TRIM26: variants seen among roughly 807,000 people sequenced by gnomAD.
TRIM26 encodes the protein tripartite motif-containing protein 26.
Under a neutral mutation model 45.5 loss-of-function variants are expected in TRIM26, and 16 were observed. That is an observed-to-expected ratio of 0.35 (90% confidence interval 0.24 to 0.53). TRIM26 has a LOEUF of 0.53. Ranked by LOEUF, TRIM26 falls within the 20% of genes least tolerant of loss-of-function variation. The probability of loss-of-function intolerance (pLI) is 0.92; values close to 1 mark genes in which losing one functional copy is unlikely to be tolerated. For missense variants in TRIM26, 442 were observed against 691.1 expected (o/e 0.64, Z 4.04); for synonymous variants, 273 against 290.4 (o/e 0.94, Z 0.61).
At chr6:30,210,543 T>C (rs577539440) in intron 1 of TRIM26, among the ~76,000 whole-genome samples, 3 of 152,306 alleles carry the variant, frequency 2.0e-5, no homozygotes, top group East Asian at 3.9e-4. Flanking sequence ...ATCACAGTGC[T>C]TCATACAGTA....
At chr6:30,204,966 G>A (rs1187326194) in intron 1 of TRIM26, among the ~76,000 whole-genome samples, 1 of 152,196 alleles carries the variant, frequency 6.6e-6, no homozygotes, top group African/African-American at 2.4e-5. Flanking sequence ...AAGCGGCCGG[G>A]CGCGGTGGCT....
At chr6:30,193,723 G>A (rs911492663) in intron 6 of TRIM26, among the ~76,000 whole-genome samples, 1 of 152,044 alleles carries the variant, frequency 6.6e-6, no homozygotes, top group Admixed American at 6.6e-5. Context: ...TTTTCCATTT[G>A]TTTGTGTCCT....
chr6:30,210,161 C>T lies in TRIM26; in HGVS notation c.-376+3144G>A, dbSNP rs145347543. Among the ~76,000 whole-genome samples, 1,162 of 151,768 alleles carry T rather than the reference C, an allele frequency of 7.7e-3. 9 individuals carry two copies. Among genetic ancestry groups the T allele is most frequent in the Middle Eastern group, 0.027 (8 of 294 alleles). On this transcript the variant is annotated intron_variant, in intron 1 of 9. Coordinates refer to ENST00000454678, the MANE Select transcript of TRIM26 (RefSeq NM_003449.5). ...CGGAGGTTGCAGTGAGCTGAGATCA[C>T]GCCACTGCACTCCAGCCTGGGTGAC...
In TRIM26 at chr6:30,190,023, A is replaced by G; in HGVS notation, c.778T>C (p.Phe260Leu). The G allele has an allele frequency of 1.2e-6, 2 of 1,613,062 alleles. No individual in the cohort carries two copies. Among genetic ancestry groups the G allele is most frequent in the Non-Finnish European group, 1.7e-6 (2 of 1,179,980 alleles). ...AAELMQDTRD[F>L]LNRYPRKKFW... is the part of the protein sequence containing the mutation. ...AGGAGACTCTTTTACCTGTTTAGGAAGTCTCTCGTGTCCTAGAAGGGAAAG... is the reference window on the plus strand; with the variant it reads ...AGGAGACTCTTTTACCTGTTTAGGAGGTCTCTCGTGTCCTAGAAGGGAAAG... Residue 260 changes from phenylalanine (F) to leucine (L), a missense_variant, in exon 7 of 10, where the codon TTC becomes CTC. Transcript: ENST00000454678. The surrounding 1 kb of genome is among the most constrained non-coding windows in gnomAD (Gnocchi z 4.3).
chr6:30,211,025 G>A (rs778142208), intron 1 of TRIM26, among the ~76,000 whole-genome samples: 8 of 152,246 alleles, frequency 5.3e-5, no homozygotes, highest in Middle Eastern at 6.8e-3. Context: ...TGAACCCAAA[G>A]GTCATGCCTC....
intron 2 of TRIM26, among the ~76,000 whole-genome samples, chr6:30,202,307 A>G (rs1265778633): frequency 2.0e-5 from 3 of 152,234 alleles, no homozygotes; most frequent in Non-Finnish European, 4.4e-5. Flanking sequence ...TTACAGAAGA[A>G]TAACCTTCTG....
Position 30,189,472 on chromosome 6 carries a change from CG to C in TRIM26, c.849del (p.Gly284GlufsTer14), listed in dbSNP as rs1562190302. On this transcript the variant is annotated frameshift_variant, in exon 8 of 10. Coordinates refer to ENST00000454678, the MANE Select transcript of TRIM26 (RefSeq NM_003449.5). LOFTEE classifies it high-confidence loss of function. This position sits in a 1 kb window ranked among gnomAD's most constrained non-coding sequence, Gnocchi z 5.0. The part of the protein sequence containing the change: ...KPIARVVKKK[T>X]GEFSDKLLSL... ...GAGAGGAGTTTATCTGAGAATTCTC[CG>C]GTCTTTTTTTTAACCACTCGAGCAA... is the stretch of plus-strand genomic sequence containing the variant. The C allele has an allele frequency of 6.2e-7, 1 of 1,612,992 alleles. No individual in the cohort carries two copies. The highest frequency in any genetic ancestry group is 8.5e-7 in the Non-Finnish European group (1 of 1,180,016).
intron 9 of TRIM26, chr6:30,187,510 G>C: frequency 1.9e-6 from 1 of 524,700 alleles, no homozygotes; most frequent in Non-Finnish European, 3.9e-6. Flanking sequence ...TTTGCAGCTT[G>C]ATCTTTAATG....
intron 1 of TRIM26, among the ~76,000 whole-genome samples, chr6:30,211,160 C>G (rs1581736587): frequency 6.6e-6 from 1 of 152,044 alleles, no homozygotes; most frequent in Non-Finnish European, 1.5e-5. Flanking sequence ...CTACACACCC[C>G]CCTTTCCCAC....
chr6:30,186,554 G>A lies in TRIM26; in HGVS notation c.942C>T (p.Ser314=), dbSNP rs1286898945. The A allele has an allele frequency of 4.0e-6, 6 of 1,506,730 alleles. No individual in the cohort carries two copies. The highest frequency in any genetic ancestry group is 2.7e-5 in the South Asian group (2 of 72,798). 93.3% of individuals were successfully genotyped at this position (1,506,730 alleles called of 1,614,324 possible). A position where few individuals can be genotyped will look rare whatever the true frequency, so the allele number is the denominator to read the frequency against. ...TGGCCGACTGTGGGTCCAGGGTGAC[G>A]CTCACTGTGGGGACAAGGGAAAAAA... ...LLRDLEYKTV[S]VTLDPQSASG... The change falls in exon 10 of 10, where the codon AGC becomes AGT. Residue 314 remains serine (S), a synonymous_variant. Transcript: ENST00000454678. The surrounding 1 kb of genome is among the most constrained non-coding windows in gnomAD (Gnocchi z 7.4).
chr6:30,196,810 G>C lies in TRIM26; in HGVS notation c.535-64C>G. ...GCTCAGGGTGGAGGGCCCAGTGCTG[G>C]AGGTGTGCAAGGCTGGCTCGTTCAC... On this transcript the variant is annotated intron_variant, in intron 5 of 9. Transcript: ENST00000454678. The surrounding 1 kb of genome is among the most constrained non-coding windows in gnomAD (Gnocchi z 4.9). 6.4e-7 allele frequency: 1 copy of C among 1,558,244 alleles called. No individual in the cohort carries two copies. Among genetic ancestry groups the C allele is most frequent in the Non-Finnish European group, 8.8e-7 (1 of 1,134,772 alleles).
Position 30,207,541 on chromosome 6 carries a change from C to T in TRIM26, c.-375-2776G>A, listed in dbSNP as rs55957413. ...CACACTCGGTCACGTGTTAAACTGC[C>T]AATCTGCCCGGGTGACCAACCAGGT... On this transcript the variant is annotated intron_variant, in intron 1 of 9. Coordinates refer to ENST00000454678, the MANE Select transcript of TRIM26 (RefSeq NM_003449.5). This position sits in a 1 kb window ranked among gnomAD's most constrained non-coding sequence, Gnocchi z 4.9. 0.12 allele frequency among the ~76,000 whole-genome samples: 17,615 copies of T among 152,190 alleles called. 1,539 individuals are homozygous for T. Among genetic ancestry groups the T allele is most frequent in the African/African-American group, 0.24 (9,997 of 41,496 alleles).
At chr6:30,210,325 C>A (rs1222162348) in intron 1 of TRIM26, among the ~76,000 whole-genome samples, 4 of 152,158 alleles carry the variant, frequency 2.6e-5, no homozygotes, top group Non-Finnish European at 5.9e-5. Flanking sequence ...ATTAGATACA[C>A]TGAACCAGGA....
Position 30,189,419 on chromosome 6 carries a change from C to T in TRIM26, c.903G>A (p.Gln301=), listed in dbSNP as rs1775578437. The change falls in exon 8 of 10, where the codon CAG becomes CAA. Residue 301 remains glutamine (Q), a splice_region_variant and synonymous_variant. Transcript: ENST00000454678. The surrounding 1 kb of genome is among the most constrained non-coding windows in gnomAD (Gnocchi z 5.0). ...LSLQRGLREF[Q]GKLLRDLEYK... ...CTTTGTGCGCTCCCCAACCCTTACC[C>T]TGGAATTCCCTCAGGCCTCGTTGCA... is the stretch of plus-strand genomic sequence containing the variant. The T allele has an allele frequency of 6.2e-7, 1 of 1,612,892 alleles. No individual in the cohort carries two copies. Among genetic ancestry groups the T allele is most frequent in the African/African-American group, 1.3e-5 (1 of 74,910 alleles).
chr6:30,191,188 G>C lies in TRIM26; in HGVS notation c.766-1153C>G, dbSNP rs774772665. 1.2e-4 allele frequency among the ~76,000 whole-genome samples: 18 copies of C among 152,246 alleles called. 1 individual carries two copies. Among genetic ancestry groups the C allele is most frequent in the African/African-American group, 3.6e-4 (15 of 41,538 alleles). On this transcript the variant is annotated intron_variant, in intron 6 of 9. Transcript: ENST00000454678. ...CAAGAACAGAGCATGGTTTGTACAG[G>C]GGGGAGAATGGTGGTGCTATCTCTG...
intron 6 of TRIM26, among the ~76,000 whole-genome samples, chr6:30,195,799 G>C (rs1013571288): frequency 2.0e-5 from 3 of 152,168 alleles, no homozygotes; most frequent in African/African-American, 4.8e-5. Context: ...CAGCCTATGA[G>C]AGCAGGAAGG....
chr6:30,201,679 A>G (rs900085567), intron 2 of TRIM26, among the ~76,000 whole-genome samples: 1 of 152,062 alleles, frequency 6.6e-6, no homozygotes, highest in Non-Finnish European at 1.5e-5. Flanking sequence ...CCCCATCTCT[A>G]CTAAAAATAC....
Position 30,193,154 on chromosome 6 carries a change from GTGTGTGTGTA to G in TRIM26, c.766-3129_766-3120del, listed in dbSNP as rs1466685803. 2.1e-3 allele frequency among the ~76,000 whole-genome samples: 104 copies of G among 49,132 alleles called. 2 individuals are homozygous for G. Among genetic ancestry groups the G allele is most frequent in the Admixed American group, 3.0e-3 (10 of 3,322 alleles). 32.2% of individuals were successfully genotyped at this position (49,132 alleles called of 152,430 possible). ...TACATATATGTGTGTGTGTGTGTGTGTGTGTGTGTATATATATATATATATATATTTTTTT... is the reference window on the plus strand; with the variant it reads ...TACATATATGTGTGTGTGTGTGTGTGTATATATATATATATATATTTTTTT... On this transcript the variant is annotated intron_variant, in intron 6 of 9. Coordinates refer to ENST00000454678, the MANE Select transcript of TRIM26 (RefSeq NM_003449.5).
At chr6:30,195,679 C>T (rs1192543562) in intron 6 of TRIM26, among the ~76,000 whole-genome samples, 2 of 152,182 alleles carry the variant, frequency 1.3e-5, no homozygotes, top group African/African-American at 4.8e-5. Flanking sequence ...TGCCATTAGC[C>T]TGGGACTCCA....
Sources: allele counts gnomAD v4.1 joint callset (sites outside exome capture counted in the v4.1 genomes callset), GRCh38; gene constraint gnomAD v4.1.1; non-coding constraint Gnocchi (gnomAD v3.1); transcripts MANE v1.5; gene names NCBI Gene and HGNC (gene_info 2026-07-23, HGNC 2026-07-21).